PRICKLE2: variants seen among roughly 807,000 people sequenced by gnomAD.
PRICKLE2 encodes the protein prickle-like protein 2.
In PRICKLE2, 21 loss-of-function variants were observed where a neutral mutation model predicts 81.4. The observed-to-expected ratio is 0.26, with a 90% CI of 0.18 to 0.37. The LOEUF is 0.37. Among genes scored for constraint, PRICKLE2 ranks in the 10% least tolerant of loss-of-function variants. The probability of loss-of-function intolerance (pLI) is 1.00; values close to 1 mark genes in which losing one functional copy is unlikely to be tolerated. For synonymous variants in PRICKLE2, 456 were observed against 421.5 expected, an observed-to-expected ratio of 1.08 and a Z score of -1.00; for missense variants, 940 against 1,109.0, an observed-to-expected ratio of 0.85 and a Z score of 2.16.
chr3:64,191,507 G>C (rs1312749504), intron 2 of PRICKLE2, among the ~76,000 whole-genome samples: 1 of 152,178 alleles, frequency 6.6e-6, no homozygotes. Context: ...CTCATTAGCT[G>C]TGTGATCTTG....
intron 2 of PRICKLE2, among the ~76,000 whole-genome samples, chr3:64,166,642 C>A (rs1289190365): frequency 1.3e-5 from 2 of 152,178 alleles, no homozygotes; most frequent in African/African-American, 4.8e-5. Context: ...TATCTTCTCA[C>A]AAGGTAACTA....
chr3:64,165,909 C>T (rs2107051815), intron 2 of PRICKLE2, among the ~76,000 whole-genome samples: 1 of 151,264 alleles, frequency 6.6e-6, no homozygotes, highest in East Asian at 1.9e-4. Context: ...GCAAGGAATA[C>T]AATGGTATTA....
At chr3:64,210,075 T>C (rs2078760406) in intron 1 of PRICKLE2, among the ~76,000 whole-genome samples, 1 of 152,116 alleles carries the variant, frequency 6.6e-6, no homozygotes, top group Non-Finnish European at 1.5e-5. Flanking sequence ...TTAATGACAG[T>C]GACCAAACTG....
At chr3:64,195,103 C>T (rs909283416) in intron 2 of PRICKLE2, among the ~76,000 whole-genome samples, 17 of 152,084 alleles carry the variant, frequency 1.1e-4, no homozygotes, top group African/African-American at 4.1e-4. Flanking sequence ...GGGGCATATT[C>T]CAGCCCTCTG....
intron 7 of PRICKLE2, among the ~76,000 whole-genome samples, chr3:64,115,381 A>C (rs1000486562): frequency 6.6e-6 from 1 of 152,294 alleles, no homozygotes; most frequent in East Asian, 1.9e-4. Flanking sequence ...GGGCTGAATG[A>C]CCCAATTAAA....
At chr3:64,207,930 C>A (rs1421136223) in intron 1 of PRICKLE2, among the ~76,000 whole-genome samples, 1 of 151,562 alleles carries the variant, frequency 6.6e-6, no homozygotes, top group African/African-American at 2.4e-5. Flanking sequence ...GAAAGGCTGA[C>A]GCAGGAGGAG....
At chr3:64,150,255 C>A (rs968999058) in intron 6 of PRICKLE2, among the ~76,000 whole-genome samples, 1 of 152,140 alleles carries the variant, frequency 6.6e-6, no homozygotes, top group African/African-American at 2.4e-5. Flanking sequence ...CGGCCATCTG[C>A]TTGGGTTCAA....
At chr3:64,264,020 T>G (rs1478711521) in intron 2 of PRICKLE2, among the ~76,000 whole-genome samples, 1 of 151,996 alleles carries the variant, frequency 6.6e-6, no homozygotes, top group Non-Finnish European at 1.5e-5. Flanking sequence ...GGGTGGTTAC[T>G]GAGTATAAAT....
chr3:64,223,031 T>C (rs952083029), intron 1 of PRICKLE2, among the ~76,000 whole-genome samples: 2 of 152,196 alleles, frequency 1.3e-5, no homozygotes, highest in Non-Finnish European at 2.9e-5. Flanking sequence ...ACTCAATCAA[T>C]AGGGTGGAAA....
chr3:64,199,331 A>C, intron 1 of PRICKLE2: 1 of 354,864 alleles, frequency 2.8e-6, no homozygotes, highest in East Asian at 5.7e-5. Context: ...CTGCAATAGC[A>C]ATTAAATATA....
rs2076604732 is a variant in PRICKLE2 at position 64,098,707 on chromosome 3, T to C, written c.*344A>G. The C allele has an allele frequency of 1.1e-5, 3 of 279,832 alleles. No individual in the cohort carries two copies. The highest frequency in any genetic ancestry group is 4.8e-5 in the Admixed American group (1 of 20,918). 17.3% of individuals were successfully genotyped at this position (279,832 alleles called of 1,614,324 possible). On this transcript the variant is annotated 3_prime_UTR_variant, in exon 8 of 8. Coordinates refer to ENST00000638394, the MANE Select transcript of PRICKLE2 (RefSeq NM_198859.4). ...AACAAATTACTTACTGAAAAAAGGG[T>C]CCTAAAAGTAAGAGAACCAGAGAGG... is the stretch of plus-strand genomic sequence containing the variant.
chr3:64,169,899 G>A (rs950901413), intron 2 of PRICKLE2, among the ~76,000 whole-genome samples: 4 of 152,132 alleles, frequency 2.6e-5, no homozygotes, highest in Non-Finnish European at 4.4e-5. Flanking sequence ...GCCTGAATTT[G>A]CTGCACGTGG....
At chr3:64,168,753 G>GA (rs1188300161) in intron 2 of PRICKLE2, among the ~76,000 whole-genome samples, 1 of 152,126 alleles carries the variant, frequency 6.6e-6, no homozygotes, top group Non-Finnish European at 1.5e-5. Context: ...AAAGAAGGAA[G>GA]AAAAAACCAA....
At chr3:64,224,374 C>A (rs867415950) in intron 1 of PRICKLE2, among the ~76,000 whole-genome samples, 1 of 152,110 alleles carries the variant, frequency 6.6e-6, no homozygotes. Context: ...GAGGGCAAAC[C>A]GAATCATGTG....
At chr3:64,177,335 C>A (rs1007452048) in intron 2 of PRICKLE2, among the ~76,000 whole-genome samples, 1 of 151,734 alleles carries the variant, frequency 6.6e-6, no homozygotes, top group African/African-American at 2.4e-5. Context: ...CAGGGTCTCA[C>A]CATGTTGGCC....
chr3:64,098,962 C>G lies in PRICKLE2; in HGVS notation c.*89G>C. 1.9e-6 allele frequency: 3 copies of G among 1,540,864 alleles called. No homozygotes were observed. Among genetic ancestry groups the G allele is most frequent in the Middle Eastern group, 2.1e-4 (1 of 4,752 alleles). ...CCCTTTTCTCCCCCATAAGCCACCC[C>G]CAAAAGCGCTTTAACATTTAAAACA... On this transcript the variant is annotated 3_prime_UTR_variant, in exon 8 of 8. Transcript: ENST00000638394.
At chr3:64,253,935 G>A (rs1381771899) in intron 2 of PRICKLE2, among the ~76,000 whole-genome samples, 11 of 152,162 alleles carry the variant, frequency 7.2e-5, no homozygotes, top group Non-Finnish European at 1.0e-4. Flanking sequence ...GTGCACTGTC[G>A]CACTCTCTGA....
intron 7 of PRICKLE2, among the ~76,000 whole-genome samples, chr3:64,118,161 T>C (rs1264952887): frequency 6.6e-6 from 1 of 152,148 alleles, no homozygotes; most frequent in Non-Finnish European, 1.5e-5. Flanking sequence ...TGCTGAAAAT[T>C]GAAACTGGAC....
In PRICKLE2 at chr3:64,147,269, C is replaced by T; in HGVS notation, c.1221G>A (p.Met407Ile). 1 of 1,611,450 alleles carries T rather than the reference C, an allele frequency of 6.2e-7. No individual in the cohort carries two copies. Among genetic ancestry groups the T allele is most frequent in the Middle Eastern group, 1.7e-4 (1 of 6,056 alleles). ...REEPYHYGNK[M>I]EQNQTQSPLQ... The stretch of plus-strand genomic sequence containing the variant: ...GAGGGCTCTGGGTCTGGTTCTGCTC[C>T]ATCTTGTTCCCATAATGGTAGGGCT... Residue 407 changes from methionine (M) to isoleucine (I), a missense_variant, in exon 7 of 8, where the codon ATG becomes ATA. Physicochemically the swap from Met to Ile is conservative, Grantham distance 10. Coordinates refer to ENST00000638394, the MANE Select transcript of PRICKLE2 (RefSeq NM_198859.4). This position sits in a 1 kb window ranked among gnomAD's most constrained non-coding sequence, Gnocchi z 5.0.
Sources: allele counts gnomAD v4.1 joint callset (sites outside exome capture counted in the v4.1 genomes callset), GRCh38; gene constraint gnomAD v4.1.1; non-coding constraint Gnocchi (gnomAD v3.1); transcripts MANE v1.5; gene names NCBI Gene and HGNC (gene_info 2026-07-23, HGNC 2026-07-21).